RPS6KC1: variants seen among roughly 807,000 people sequenced by gnomAD.
RPS6KC1 encodes inactive ribosomal protein S6 kinase delta-1.
A neutral mutation model predicts 103.8 loss-of-function variants in RPS6KC1; 54 were observed. The observed-to-expected ratio is 0.52, with a 90% confidence interval of 0.42 to 0.65. The LOEUF is 0.65. Among genes scored for constraint, RPS6KC1 ranks in the 30% least tolerant of loss-of-function variants. RPS6KC1 has a pLI of 0.00. For synonymous variants in RPS6KC1, 439 were observed against 438.7 expected (o/e 1.00, Z -0.01); for missense variants, 1,151 against 1,253.8 (o/e 0.92, Z 1.24).
chr1:213,152,028 G>A (rs527441850), intron 6 of RPS6KC1, among the ~76,000 whole-genome samples: 5 of 136,966 alleles, frequency 3.7e-5, no homozygotes, highest in Non-Finnish European at 6.3e-5. Context: ...CTCACCTCCC[G>A]GACGGGGCAG....
At chr1:213,234,002 TTC>T (rs997590754) in intron 10 of RPS6KC1, among the ~76,000 whole-genome samples, 14 of 150,454 alleles carry the variant, frequency 9.3e-5, no homozygotes, top group African/African-American at 3.2e-4. Flanking sequence ...GACAAGAAAA[TTC>T]TCTCTCTCTC....
the RPS6KC1 span, among the ~76,000 whole-genome samples, chr1:213,301,119 A>G: frequency 6.6e-6 from 1 of 152,216 alleles, no homozygotes; most frequent in Admixed American, 6.5e-5. Context: ...TCAGTCATAT[A>G]TCCACTTTCC....
At chr1:213,509,340 C>CT in the RPS6KC1 span, among the ~76,000 whole-genome samples, 257 of 146,326 alleles carry the variant, frequency 1.8e-3, no homozygotes, top group Middle Eastern at 0.01. Flanking sequence ...AGAGTTGATC[C>CT]TTTTTTTTTT....
chr1:213,285,782 G>C, the RPS6KC1 span, among the ~76,000 whole-genome samples: 22 of 152,104 alleles, frequency 1.4e-4, no homozygotes, highest in Non-Finnish European at 2.9e-5. Context: ...GGCTTTGGGG[G>C]AAGTAATAAT....
In RPS6KC1 at chr1:213,249,656, AGTT is replaced by A. The variant is rs1325146409; in HGVS notation, c.2911+7004_2911+7006del. Among the ~76,000 whole-genome samples, 4 of 152,126 alleles carry A rather than the reference AGTT, an allele frequency of 2.6e-5. No homozygotes were observed. In the East Asian group the frequency reaches 7.7e-4, roughly 29 times the overall value. On this transcript the variant is annotated intron_variant, in intron 12 of 14. Transcript: ENST00000366960. ...GACACCTGATGGCTACTCAGAATGGAGTTGTTGTGATATGATCAATGGAAAATG... is the reference window on the plus strand; with the variant it reads ...GACACCTGATGGCTACTCAGAATGGAGTTGTGATATGATCAATGGAAAATG...
the RPS6KC1 span, among the ~76,000 whole-genome samples, chr1:213,645,208 G>T: frequency 6.6e-6 from 1 of 152,136 alleles, no homozygotes; most frequent in South Asian, 2.1e-4. Context: ...GCAGAAAGAG[G>T]TGGGTTGCTG....
intron 5 of RPS6KC1, among the ~76,000 whole-genome samples, 193 bp downstream of exon 5, chr1:213,117,603 T>C (rs1195679679): frequency 1.3e-5 from 2 of 152,110 alleles, no homozygotes; most frequent in Admixed American, 6.6e-5. Flanking sequence ...ATCTCATATT[T>C]AATTGGCAGC....
chr1:213,708,031 T>C, the RPS6KC1 span, among the ~76,000 whole-genome samples: 17 of 152,358 alleles, frequency 1.1e-4, no homozygotes, highest in African/African-American at 2.6e-4. Context: ...ACTGGCTCTT[T>C]TTTGGTTCCA....
At chr1:213,102,837 T>A (rs2082133011) in intron 3 of RPS6KC1, among the ~76,000 whole-genome samples, 1 of 152,172 alleles carries the variant, frequency 6.6e-6, no homozygotes, top group African/African-American at 2.4e-5. Context: ...TGGAATTCTG[T>A]GGGATTATTG....
At chr1:213,148,263 C>A (rs1462458233) in intron 6 of RPS6KC1, among the ~76,000 whole-genome samples, 1 of 152,098 alleles carries the variant, frequency 6.6e-6, no homozygotes, top group Non-Finnish European at 1.5e-5. Flanking sequence ...TGTTCCTGAT[C>A]TAAGAGGAAA....
At chr1:213,107,000 G>A (rs998863786) in intron 4 of RPS6KC1, among the ~76,000 whole-genome samples, 2 of 151,920 alleles carry the variant, frequency 1.3e-5, no homozygotes, top group South Asian at 2.1e-4. Flanking sequence ...GAGTGCAGTG[G>A]CACAATCTCG....
chr1:213,229,549 C>A (rs2094040356), intron 8 of RPS6KC1, among the ~76,000 whole-genome samples: 1 of 152,142 alleles, frequency 6.6e-6, no homozygotes, highest in Non-Finnish European at 1.5e-5. Context: ...GCCTGCGGAG[C>A]CTAAAATATT....
chr1:213,405,115 G>C, the RPS6KC1 span, among the ~76,000 whole-genome samples: 3 of 152,258 alleles, frequency 2.0e-5, no homozygotes, highest in South Asian at 6.2e-4. Context: ...ATGTGGAAAA[G>C]GGATTCTTTC....
the RPS6KC1 span, among the ~76,000 whole-genome samples, chr1:213,292,290 A>G: frequency 6.6e-6 from 1 of 151,956 alleles, no homozygotes; most frequent in Non-Finnish European, 1.5e-5. Flanking sequence ...AAAACAAAAC[A>G]AAAAAAACAT....
the RPS6KC1 span, among the ~76,000 whole-genome samples, chr1:213,480,244 T>A: frequency 6.6e-6 from 1 of 152,044 alleles, no homozygotes; most frequent in African/African-American, 2.4e-5. Context: ...GTGGTCATGA[T>A]CTCTCATCAT....
intron 8 of RPS6KC1, among the ~76,000 whole-genome samples, chr1:213,189,278 G>A (rs1220837283): frequency 6.6e-6 from 1 of 151,866 alleles, no homozygotes; most frequent in Admixed American, 6.6e-5. Flanking sequence ...GTGAAACCTT[G>A]TCTCTACTAA....
the RPS6KC1 span, among the ~76,000 whole-genome samples, chr1:213,494,923 CATAG>C: frequency 1.3e-5 from 2 of 150,082 alleles, no homozygotes; most frequent in East Asian, 3.9e-4. Context: ...TTAAAAATCA[CATAG>C]ATAAACTGGA....
At chr1:213,817,047 C>T in the RPS6KC1 span, among the ~76,000 whole-genome samples, 1 of 152,186 alleles carries the variant, frequency 6.6e-6, no homozygotes, top group East Asian at 1.9e-4. Context: ...GATACCATAG[C>T]CTGCTAAACC....
chr1:213,608,291 C>A, the RPS6KC1 span, among the ~76,000 whole-genome samples: 758 of 152,282 alleles, frequency 5.0e-3, 2 homozygotes, highest in African/African-American at 0.017. Context: ...GCCCAGGTCC[C>A]AGCAGGGGGA....
Sources: gnomAD v4.1 joint callset for allele counts (sites outside exome capture counted in the v4.1 genomes callset) on GRCh38, gnomAD v4.1.1 for gene constraint, MANE v1.5 for transcripts, NCBI Gene and HGNC (gene_info 2026-07-23, HGNC 2026-07-21) for gene names.